Variants in TEX9 observed in about 807,000 individuals in gnomAD.
TEX9 encodes testis expressed 9.
In TEX9, 74 loss-of-function variants were observed where a neutral mutation model predicts 59.6. The ratio of observed to expected loss-of-function variants is 1.24; its 90% CI spans 1.03 to 1.51. TEX9 has a LOEUF of 1.51. Among genes scored for constraint, TEX9 ranks in the 40% most tolerant of loss-of-function variants. The pLI is 0.00. For missense variants in TEX9, 522 were observed against 447.8 expected (o/e 1.17, Z -1.49); for synonymous variants, 186 against 152.2 (o/e 1.22, Z -1.64).
chr15:56,349,373 C>A (rs2046531942), intron 1 of TEX9, among the ~76,000 whole-genome samples: 1 of 152,166 alleles, frequency 6.6e-6, no homozygotes, highest in Non-Finnish European at 1.5e-5. Flanking sequence ...TCTGCCCATG[C>A]ATGTGTAATT....
chr15:56,361,898 A>T (rs369327507), upstream of TEX9, among the ~76,000 whole-genome samples: 12 of 152,186 alleles, frequency 7.9e-5, no homozygotes, highest in South Asian at 2.1e-4. Flanking sequence ...GCAGGTTTCA[A>T]GCAAAACATA....
At chr15:56,267,857 C>A (rs1428093007) in intron 1 of TEX9, among the ~76,000 whole-genome samples, 1 of 152,156 alleles carries the variant, frequency 6.6e-6, no homozygotes, top group African/African-American at 2.4e-5. Context: ...TTTTCCAATT[C>A]TATGAAGAAA....
At chr15:56,369,206 T>C (rs2047078363) in intron 2 of TEX9, among the ~76,000 whole-genome samples, 1 of 152,134 alleles carries the variant, frequency 6.6e-6, no homozygotes, top group East Asian at 1.9e-4. Flanking sequence ...TCTGAGTATG[T>C]ATGTGACAAG....
At chr15:56,321,763 CTTAA>C (rs1472321245) in intron 1 of TEX9, among the ~76,000 whole-genome samples, 3 of 152,184 alleles carry the variant, frequency 2.0e-5, no homozygotes, top group Admixed American at 6.5e-5. Flanking sequence ...TTCAGTCATG[CTTAA>C]TTAATTATTT....
At chr15:56,256,442 A>T (rs2044146858) in intron 1 of TEX9, among the ~76,000 whole-genome samples, 1 of 152,122 alleles carries the variant, frequency 6.6e-6, no homozygotes, top group Non-Finnish European at 1.5e-5. Context: ...CGTGTTTTAA[A>T]AATAAGAAAA....
intron 1 of TEX9, among the ~76,000 whole-genome samples, chr15:56,322,690 ATG>A (rs1485644689): frequency 6.6e-6 from 1 of 152,188 alleles, no homozygotes; most frequent in Non-Finnish European, 1.5e-5. Context: ...TCAGGAGCCC[ATG>A]TGTATGAATG....
chr15:56,406,150 A>G (rs1179169793), intron 9 of TEX9, among the ~76,000 whole-genome samples: 3 of 152,092 alleles, frequency 2.0e-5, no homozygotes, highest in Non-Finnish European at 2.9e-5. Context: ...ACTGAGCTAT[A>G]TTTTTTCACT....
intron 10 of TEX9, among the ~76,000 whole-genome samples, chr15:56,414,708 T>C (rs2049583590): frequency 6.6e-6 from 1 of 151,848 alleles, no homozygotes; most frequent in Non-Finnish European, 1.5e-5. Flanking sequence ...AACATTTGTG[T>C]GCATGTGTCT....
intron 1 of TEX9, among the ~76,000 whole-genome samples, chr15:56,345,961 AC>A (rs1214436760): frequency 3.3e-5 from 5 of 152,228 alleles, no homozygotes; most frequent in African/African-American, 1.2e-4. Flanking sequence ...CAACAGGGTT[AC>A]AACTTGGGAA....
At chr15:56,311,276 A>T (rs1433761186) in intron 1 of TEX9, among the ~76,000 whole-genome samples, 4 of 104,434 alleles carry the variant, frequency 3.8e-5, no homozygotes, top group Admixed American at 3.8e-4. Context: ...TATATCTCCC[A>T]ATGCTATCCC....
intron 1 of TEX9, among the ~76,000 whole-genome samples, chr15:56,295,205 G>A (rs1318164133): frequency 6.6e-6 from 1 of 152,114 alleles, no homozygotes; most frequent in African/African-American, 2.4e-5. Context: ...ACCTTTCTGA[G>A]TCTTAGTTTC....
chr15:56,254,549 C>T (rs1396411062), intron 1 of TEX9, among the ~76,000 whole-genome samples: 2 of 151,412 alleles, frequency 1.3e-5, no homozygotes, highest in African/African-American at 2.4e-5. Context: ...GCAATATGCC[C>T]TTCCCTTCAC....
intron 3 of TEX9, among the ~76,000 whole-genome samples, chr15:56,373,705 A>G (rs1250306478): frequency 6.6e-6 from 1 of 152,184 alleles, no homozygotes; most frequent in Non-Finnish European, 1.5e-5. Context: ...CACATTTTCT[A>G]AAAGCCACTG....
intron 3 of TEX9, among the ~76,000 whole-genome samples, chr15:56,380,774 G>A (rs1400655162): frequency 2.0e-5 from 3 of 152,148 alleles, no homozygotes; most frequent in African/African-American, 7.2e-5. Flanking sequence ...TTTCCACGGA[G>A]AAGTCTGCTG....
In TEX9 at chr15:56,289,958, A is replaced by G. The variant is rs2045049292; in HGVS notation, c.-107+45680A>G. Among the ~76,000 whole-genome samples, 4 of 152,178 alleles carry G rather than the reference A, an allele frequency of 2.6e-5. No individual in the cohort carries two copies. The South Asian group carries it at 8.3e-4, about 32-fold the overall frequency. On this transcript the variant is annotated intron_variant, in intron 1 of 5. Transcript: ENST00000560827. ...GCATCAGGCTGATGTCTAGCTCTCT[A>G]TGGCAGCTGAGCCAGTTCTGGAGTG...
intron 2 of TEX9, 33 bp downstream of exon 2, chr15:56,365,703 T>G (rs754219878): frequency 2.0e-5 from 33 of 1,613,422 alleles, no homozygotes; most frequent in Non-Finnish European, 2.7e-5. Flanking sequence ...TTTTCCTTCT[T>G]TCTTTCATCT....
intron 1 of TEX9, among the ~76,000 whole-genome samples, chr15:56,298,229 G>A (rs1157063864): frequency 6.6e-6 from 1 of 152,116 alleles, no homozygotes; most frequent in East Asian, 1.9e-4. Flanking sequence ...ATCAACAAAA[G>A]TTTCTTGATA....
At chr15:56,270,971 CT>C (rs1464930078) in intron 1 of TEX9, among the ~76,000 whole-genome samples, 1 of 152,208 alleles carries the variant, frequency 6.6e-6, no homozygotes, top group African/African-American at 2.4e-5. Context: ...TCCCCACTCT[CT>C]TCTGGCTTGT....
At chr15:56,260,517 A>G (rs1423466934) in intron 1 of TEX9, among the ~76,000 whole-genome samples, 3 of 152,108 alleles carry the variant, frequency 2.0e-5, no homozygotes, top group African/African-American at 7.2e-5. Flanking sequence ...TATTTACATA[A>G]AAAAAGCAAA....
Sources: allele counts gnomAD v4.1 joint callset (sites outside exome capture counted in the v4.1 genomes callset), GRCh38; gene constraint gnomAD v4.1.1; transcripts MANE v1.5; gene names NCBI Gene and HGNC (gene_info 2026-07-23, HGNC 2026-07-21).